Variants in ACER2 observed in about 807,000 individuals in gnomAD.
ACER2 encodes alkCDase 2.
ACER2 carries 26 observed loss-of-function variants against 34.7 expected under a neutral mutation model. The ratio of observed to expected loss-of-function variants is 0.75; its 90% CI spans 0.55 to 1.04. ACER2 has a LOEUF of 1.04. Among genes scored for constraint, ACER2 ranks in the 50% least tolerant of loss-of-function variants. The pLI is 0.00. For missense variants in ACER2, 352 were observed against 340.8 expected, an observed-to-expected ratio of 1.03 and a Z score of -0.26; for synonymous variants, 138 against 132.1, an observed-to-expected ratio of 1.04 and a Z score of -0.31.
In ACER2 at chr9:19,451,371, C is replaced by A. The variant is rs747865465; in HGVS notation, c.*735C>A. On this transcript the variant is annotated 3_prime_UTR_variant, in exon 6 of 6. Transcript: ENST00000340967. ...CCAAACAGATGAAACACACACAGGA[C>A]TTGTGGCTAAAAAGGCTAGTTTTTC... 1.3e-5 allele frequency: 2 copies of A among 152,664 alleles called. No individual in the cohort carries two copies. The highest frequency in any genetic ancestry group is 2.4e-5 in the African/African-American group (1 of 41,462). 9.5% of individuals were successfully genotyped at this position (152,664 alleles called of 1,614,324 possible). A position where few individuals can be genotyped will look rare whatever the true frequency, so the allele number is the denominator to read the frequency against.
At chr9:19,447,940 ACACACG>A (rs905569598) in intron 5 of ACER2, among the ~76,000 whole-genome samples, 10 of 151,428 alleles carry the variant, frequency 6.6e-5, no homozygotes, top group Non-Finnish European at 1.5e-5. Flanking sequence ...ATATGTACAC[ACACACG>A]CACACATATA....
chr9:19,451,606 C>T lies in ACER2; in HGVS notation c.*970C>T, dbSNP rs1182955489. The T allele has an allele frequency of 2.0e-5, 3 of 152,446 alleles. No homozygotes were observed. The highest frequency in any genetic ancestry group is 4.4e-5 in the Non-Finnish European group (3 of 68,060). The allele number at this position is 152,446 out of a possible 1,614,324, so 9.4% of individuals were successfully genotyped here. On this transcript the variant is annotated 3_prime_UTR_variant, in exon 6 of 6. Coordinates refer to ENST00000340967, the MANE Select transcript of ACER2 (RefSeq NM_001010887.3). ...AATTTTTAAATACTGACATCACTTC[C>T]TCTTCCCCCTCCCACCCCAGCTCAG...
At chr9:19,434,076 G>C (rs1380508032) in intron 3 of ACER2, among the ~76,000 whole-genome samples, 24 of 145,938 alleles carry the variant, frequency 1.6e-4, no homozygotes, top group African/African-American at 5.9e-4. Flanking sequence ...GGGCAGAGAC[G>C]CTCCTCACCT....
chr9:19,434,211 T>C (rs956338846), intron 3 of ACER2, among the ~76,000 whole-genome samples: 10 of 136,738 alleles, frequency 7.3e-5, no homozygotes, highest in Admixed American at 6.5e-4. Context: ...TTCCTAGATG[T>C]GATGGCGGCC....
intron 4 of ACER2, among the ~76,000 whole-genome samples, chr9:19,445,512 G>A (rs1298652578): frequency 1.3e-5 from 2 of 152,230 alleles, no homozygotes; most frequent in African/African-American, 4.8e-5. Flanking sequence ...GTGGAGACAG[G>A]TGTTGAAATT....
intron 4 of ACER2, among the ~76,000 whole-genome samples, chr9:19,441,045 T>C (rs1831138614): frequency 6.6e-6 from 1 of 151,652 alleles, no homozygotes; most frequent in Admixed American, 6.6e-5. Context: ...TCTTTTTCTT[T>C]TTCTTTTTTT....
intron 3 of ACER2, 150 bp from the exon 4 acceptor site, chr9:19,434,797 G>T: frequency 3.2e-6 from 3 of 943,624 alleles, no homozygotes; most frequent in Non-Finnish European, 4.8e-6. Context: ...TCGCTCTGTC[G>T]CCGTGAGTGG....
chr9:19,424,874 A>G, intron 3 of ACER2, 33 bp downstream of exon 3: 2 of 1,613,742 alleles, frequency 1.2e-6, no homozygotes, highest in Non-Finnish European at 8.5e-7. Flanking sequence ...TGCATTTACC[A>G]CTAGGTGCAG....
At chr9:19,416,695 T>G (rs1202729071) in intron 1 of ACER2, among the ~76,000 whole-genome samples, 1 of 151,234 alleles carries the variant, frequency 6.6e-6, no homozygotes, top group African/African-American at 2.4e-5. Flanking sequence ...CCAGCTAATT[T>G]TTTTTTTTTG....
chr9:19,436,579 T>G (rs1285749594), intron 4 of ACER2, among the ~76,000 whole-genome samples: 1 of 152,172 alleles, frequency 6.6e-6, no homozygotes, highest in South Asian at 2.1e-4. Context: ...TAAATAAAAA[T>G]TAGCTCATTC....
intron 4 of ACER2, among the ~76,000 whole-genome samples, chr9:19,444,304 C>T (rs1463278915): frequency 6.6e-6 from 1 of 151,028 alleles, no homozygotes; most frequent in Non-Finnish European, 1.5e-5. Context: ...CTCCGCCTCC[C>T]GGGTTCACGC....
chr9:19,441,914 G>A (rs1831168549), intron 4 of ACER2, among the ~76,000 whole-genome samples: 1 of 152,202 alleles, frequency 6.6e-6, no homozygotes, highest in African/African-American at 2.4e-5. Context: ...TGTCTGAGTT[G>A]AATGTTTCTC....
At chr9:19,416,083 A>G (rs1830232931) in intron 1 of ACER2, among the ~76,000 whole-genome samples, 1 of 151,034 alleles carries the variant, frequency 6.6e-6, no homozygotes, top group African/African-American at 2.4e-5. Flanking sequence ...TTACAAGAAC[A>G]CATTCATGTA....
Position 19,423,928 on chromosome 9 carries a change from T to G in ACER2, c.175T>G (p.Cys59Gly). The change falls in exon 2 of 6, where the codon TGC becomes GGC. Residue 59 changes from cysteine to glycine, a missense_variant. Transcript: ENST00000340967. The stretch of plus-strand genomic sequence containing the variant: ...GTGCTTGTTTCGTCAGTATGCAACA[T>G]GCTTCAACAGTGGCATCTACTTAAT... ...CMCLFRQYAT[C>G]FNSGIYLIWT... 1 of 1,614,172 alleles carries G rather than the reference T, an allele frequency of 6.2e-7. No individual in the cohort carries two copies. Among genetic ancestry groups the G allele is most frequent in the South Asian group, 1.1e-5 (1 of 91,080 alleles).
intron 5 of ACER2, among the ~76,000 whole-genome samples, chr9:19,448,864 G>A (rs574577363): frequency 1.7e-4 from 26 of 152,232 alleles, no homozygotes; most frequent in African/African-American, 6.3e-4. Context: ...ATATCAGCCG[G>A]GCGTGGTGGC....
chr9:19,410,712 G>A (rs1218628680), intron 1 of ACER2, among the ~76,000 whole-genome samples: 1 of 152,078 alleles, frequency 6.6e-6, no homozygotes, highest in African/African-American at 2.4e-5. Context: ...AGAAAACCTG[G>A]CCCTCTGCTG....
chr9:19,409,147 G>A lies in ACER2; in HGVS notation c.63G>A (p.Glu21=), dbSNP rs762579917. The change falls in exon 1 of 6, where the codon GAG becomes GAA. Residue 21 remains glutamate (E), a synonymous_variant. Coordinates refer to ENST00000340967, the MANE Select transcript of ACER2 (RefSeq NM_001010887.3). ...QAGSSEVDWC[E]DNYTIVPAIA... ...GTAGCTCGGAGGTGGACTGGTGCGA[G>A]GACAACTACACCATCGTGCCTGCTA... 18 of 1,607,088 alleles carry A rather than the reference G, an allele frequency of 1.1e-5. No homozygotes were observed. Among genetic ancestry groups the A allele is most frequent in the Non-Finnish European group, 1.5e-5 (18 of 1,177,320 alleles).
chr9:19,437,643 A>G (rs993943876), intron 4 of ACER2, among the ~76,000 whole-genome samples: 5 of 151,962 alleles, frequency 3.3e-5, no homozygotes, highest in Admixed American at 2.0e-4. Context: ...ATGTCCTATG[A>G]CCAACCAATT....
At position 19,446,383 on chromosome 9, in the gene ACER2, G is replaced by C. The variant is rs1831364313; in HGVS notation, c.606G>C (p.Leu202=). 5.0e-6 allele frequency: 8 copies of C among 1,614,166 alleles called. No individual in the cohort carries two copies. The highest frequency in any genetic ancestry group is 6.8e-6 in the Non-Finnish European group (8 of 1,180,028). ...GTGACCGAGCTTTCTGCGAGCTGCT[G>C]TCATCCTTCAACTTCCCCTACCTGC... ...WISDRAFCEL[L]SSFNFPYLHC... Residue 202 remains leucine, a synonymous_variant, in exon 5 of 6, where the codon CTG becomes CTC. Transcript: ENST00000340967.
Sources: allele counts gnomAD v4.1 joint callset (sites outside exome capture counted in the v4.1 genomes callset), GRCh38; gene constraint gnomAD v4.1.1; transcripts MANE v1.5; gene names NCBI Gene and HGNC (gene_info 2026-07-23, HGNC 2026-07-21).